WWOX: variants seen among roughly 807,000 people sequenced by gnomAD.
WWOX encodes WW domain containing oxidoreductase.
A neutral mutation model predicts 46.2 loss-of-function variants in WWOX; 69 were observed. The ratio of observed to expected loss-of-function variants is 1.49; its 90% CI spans 1.23 to 1.82. The LOEUF is 1.82. Among genes scored for constraint, WWOX ranks in the 40% most tolerant of loss-of-function variants. The pLI is 0.00. For synonymous variants in WWOX, 359 were observed against 202.6 expected (o/e 1.77, Z -6.56); for missense variants, 919 against 542.6 (o/e 1.69, Z -6.89).
intron 8 of WWOX, among the ~76,000 whole-genome samples, chr16:78,550,567 A>G (rs2044149463): frequency 6.6e-6 from 1 of 152,190 alleles, no homozygotes; most frequent in Admixed American, 6.5e-5. Context: ...TTAGAACATG[A>G]TATTTTCTAC....
chr16:79,122,065 T>A (rs1435730584), intron 8 of WWOX, among the ~76,000 whole-genome samples: 1 of 152,116 alleles, frequency 6.6e-6, no homozygotes, highest in East Asian at 1.9e-4. Flanking sequence ...TGCACACGCA[T>A]GTAGGGTGTG....
intron 8 of WWOX, among the ~76,000 whole-genome samples, chr16:78,516,422 A>G (rs926246775): frequency 6.6e-6 from 1 of 152,190 alleles, no homozygotes; most frequent in African/African-American, 2.4e-5. Context: ...ATATTCTGTT[A>G]TTTATGGTAG....
At chr16:78,219,227 A>T (rs1241306917) in intron 5 of WWOX, among the ~76,000 whole-genome samples, 2 of 152,138 alleles carry the variant, frequency 1.3e-5, no homozygotes, top group Non-Finnish European at 2.9e-5. Flanking sequence ...ACTGGATTTG[A>T]AGTTGGCCTA....
At chr16:78,506,124 G>A (rs888800560) in intron 8 of WWOX, among the ~76,000 whole-genome samples, 2 of 152,212 alleles carry the variant, frequency 1.3e-5, no homozygotes, top group Non-Finnish European at 2.9e-5. Context: ...GGGAGGACAG[G>A]CTTCGAGTTT....
intron 8 of WWOX, among the ~76,000 whole-genome samples, chr16:78,674,480 T>A (rs1009274649): frequency 2.0e-5 from 3 of 152,068 alleles, no homozygotes. Flanking sequence ...AGATGGGGTT[T>A]CACCATGTTA....
intron 8 of WWOX, chr16:78,898,048 A>G (rs893056764): frequency 1.3e-5 from 2 of 151,910 alleles, no homozygotes; most frequent in Non-Finnish European, 2.9e-5. Flanking sequence ...TTCTATATAT[A>G]TTTTGGATAC....
In WWOX at chr16:78,114,999, A is replaced by G; in HGVS notation, c.254A>G (p.Tyr85Cys). The change falls in exon 4 of 9, where the codon TAC (tyrosine) becomes TGC (cysteine). Residue 85 changes from tyrosine (Y) to cysteine (C), a missense_variant. By Grantham distance (194) the Tyr-to-Cys change is radical. Transcript: ENST00000566780. ...AGCCATATAAATAAAAGAACCACCTACTTGGACCCAAGACTGGCGTTTACT... is the reference window on the plus strand; with the variant it reads ...AGCCATATAAATAAAAGAACCACCTGCTTGGACCCAAGACTGGCGTTTACT... ...FVDHINKRTT[Y>C]LDPRLAFTVD... 2 of 1,614,160 alleles carry G rather than the reference A, an allele frequency of 1.2e-6. No individual in the cohort carries two copies. Among genetic ancestry groups the G allele is most frequent in the Non-Finnish European group, 1.7e-6 (2 of 1,180,016 alleles).
chr16:79,063,883 G>T (rs2048397188), intron 8 of WWOX, among the ~76,000 whole-genome samples: 1 of 152,174 alleles, frequency 6.6e-6, no homozygotes, highest in South Asian at 2.1e-4. Context: ...TTTTAAAGTA[G>T]GAATTGTCAA....
chr16:79,166,679 G>A (rs1322690031), intron 8 of WWOX, among the ~76,000 whole-genome samples: 1 of 152,100 alleles, frequency 6.6e-6, no homozygotes, highest in Admixed American at 6.5e-5. Context: ...GCTAACCAAG[G>A]CACATGGTGA....
chr16:78,941,689 A>G lies in WWOX; in HGVS notation c.1057-269919A>G, dbSNP rs74329121. Among the ~76,000 whole-genome samples, 709 of 152,322 alleles carry G rather than the reference A, an allele frequency of 4.7e-3. 10 individuals carry two copies. The highest frequency in any genetic ancestry group is 0.016 in the African/African-American group (661 of 41,570). ...TTGTATTTGCATCCCCCCTACTCAC[A>G]GGAAAGAAGAAATTCTCAGGTTTCC... On this transcript the variant is annotated intron_variant, in intron 8 of 8. Transcript: ENST00000566780.
At chr16:78,485,188 C>G (rs945395480) in intron 8 of WWOX, among the ~76,000 whole-genome samples, 24 of 152,102 alleles carry the variant, frequency 1.6e-4, no homozygotes, top group African/African-American at 5.1e-4. Context: ...ATTTTAAGTT[C>G]ACAGCAAAAC....
chr16:78,919,403 A>G (rs762328433), intron 8 of WWOX, among the ~76,000 whole-genome samples: 2 of 152,016 alleles, frequency 1.3e-5, no homozygotes, highest in Non-Finnish European at 2.9e-5. Context: ...ATTTTGCTCC[A>G]TGGTCTAGCA....
At chr16:78,766,026 G>T (rs748496802) in intron 8 of WWOX, among the ~76,000 whole-genome samples, 1 of 152,310 alleles carries the variant, frequency 6.6e-6, no homozygotes, top group East Asian at 1.9e-4. Flanking sequence ...GCACAGAAAA[G>T]GTTTACAGAG....
intron 8 of WWOX, among the ~76,000 whole-genome samples, chr16:78,563,120 T>C (rs924913164): frequency 2.0e-5 from 3 of 152,186 alleles, no homozygotes; most frequent in African/African-American, 7.2e-5. Flanking sequence ...TGTGAGGCTT[T>C]AAAAAGCTAG....
chr16:78,220,678 A>G (rs2036858551), intron 5 of WWOX, among the ~76,000 whole-genome samples: 3 of 152,156 alleles, frequency 2.0e-5, no homozygotes, highest in African/African-American at 7.2e-5. Context: ...CAAGTGAACC[A>G]TTTACTTTTC....
At chr16:78,140,602 C>T (rs1263095270) in intron 4 of WWOX, among the ~76,000 whole-genome samples, 1 of 152,118 alleles carries the variant, frequency 6.6e-6, no homozygotes, top group Non-Finnish European at 1.5e-5. Context: ...CCTCCATCTG[C>T]ACAAGCCATT....
chr16:79,012,473 G>A (rs1316969520), intron 8 of WWOX, among the ~76,000 whole-genome samples: 1 of 152,142 alleles, frequency 6.6e-6, no homozygotes, highest in African/African-American at 2.4e-5. Context: ...CCTCAAAAGT[G>A]ATTTGCCCAC....
chr16:78,148,382 G>A (rs1013628151), intron 4 of WWOX, among the ~76,000 whole-genome samples: 4 of 152,150 alleles, frequency 2.6e-5, no homozygotes, highest in Non-Finnish European at 5.9e-5. Flanking sequence ...GGGCCAGACA[G>A]CACGTGTAGG....
At chr16:78,490,472 C>T (rs941110623) in intron 8 of WWOX, among the ~76,000 whole-genome samples, 20 of 152,080 alleles carry the variant, frequency 1.3e-4, no homozygotes, top group African/African-American at 4.6e-4. Context: ...GTTGTAGTTC[C>T]CGCAAATCTA....
Sources: allele counts gnomAD v4.1 joint callset (sites outside exome capture counted in the v4.1 genomes callset), GRCh38; gene constraint gnomAD v4.1.1; transcripts MANE v1.5; gene names NCBI Gene and HGNC (gene_info 2026-07-23, HGNC 2026-07-21).